MS4A5: variants seen among roughly 807,000 people sequenced by gnomAD.
The protein encoded by MS4A5 is membrane-spanning 4-domains subfamily A member 5.
MS4A5 carries 15 observed loss-of-function variants against 18.2 expected under a neutral mutation model. That is an observed-to-expected ratio of 0.83 (90% CI 0.55 to 1.27). The LOEUF (loss-of-function observed/expected upper bound fraction) is 1.27, where lower values mean the gene tolerates loss of function less well. MS4A5 is among the 50% of genes most tolerant of loss of function. MS4A5 has a pLI of 0.00. For missense variants in MS4A5, 232 were observed against 225.7 expected, an observed-to-expected ratio of 1.03 and a Z score of -0.18; for synonymous variants, 89 against 78.7, an observed-to-expected ratio of 1.13 and a Z score of -0.69.
intron 4 of MS4A5, among the ~76,000 whole-genome samples, chr11:60,439,266 G>T (rs1466814148): frequency 1.7e-5 from 2 of 119,186 alleles, no homozygotes; most frequent in Non-Finnish European, 3.5e-5. Context: ...GTATTGATAG[G>T]ACGTATTTCA....
intron 4 of MS4A5, among the ~76,000 whole-genome samples, chr11:60,438,409 G>T (rs2086092434): frequency 6.6e-6 from 1 of 151,866 alleles, no homozygotes; most frequent in African/African-American, 2.4e-5. Flanking sequence ...CAGAAGCCAA[G>T]AAATAACTAA....
rs147206734 is a variant in MS4A5, at chr11:60,433,816, G to T, written c.391G>T (p.Gly131Ter). The stretch of plus-strand genomic sequence containing the variant: ...TCTTAGTGCCCTGGGAGCAATAGCT[G>T]GAATCATTCTCCTCACATTTGGTTT... ...NFLSALGAIA[G>*]IILLTFGFIL... Residue 131 changes from glycine to a stop codon, truncating the protein, a stop_gained, in exon 4 of 5, where the codon GGA (glycine) becomes TGA (stop). Coordinates refer to ENST00000300190, the MANE Select transcript of MS4A5 (RefSeq NM_023945.3). LOFTEE classifies it high-confidence loss of function. 1.2e-6 allele frequency: 2 copies of T among 1,613,596 alleles called. No homozygotes were observed. The highest frequency in any genetic ancestry group is 2.7e-5 in the African/African-American group (2 of 74,890).
At chr11:60,429,920 T>C (rs2086039398) in intron 1 of MS4A5, 93 bp downstream of exon 1, 2 of 1,181,856 alleles carry the variant, frequency 1.7e-6, no homozygotes, top group South Asian at 3.0e-5. Context: ...TAGGAGCCTA[T>C]TCCAATTCTT....
chr11:60,441,701 T>G (rs2135178428), intron 4 of MS4A5, among the ~76,000 whole-genome samples: 1 of 149,416 alleles, frequency 6.7e-6, no homozygotes, highest in South Asian at 2.1e-4. Context: ...AACTAGAAGA[T>G]TTTCTGTGTA....
At chr11:60,440,636 T>C (rs983780553) in intron 4 of MS4A5, among the ~76,000 whole-genome samples, 3 of 150,254 alleles carry the variant, frequency 2.0e-5, no homozygotes, top group African/African-American at 7.4e-5. Flanking sequence ...AGACACTTCT[T>C]AAAAGAAGAC....
At chr11:60,435,896 G>C (rs1012592858) in intron 4 of MS4A5, among the ~76,000 whole-genome samples, 39 of 152,368 alleles carry the variant, frequency 2.6e-4, no homozygotes, top group African/African-American at 9.1e-4. Context: ...GGTATACAAA[G>C]CAGCTGGGAA....
rs947814787 is a variant in MS4A5, at chr11:60,440,657, C to G, written c.492+6740C>G. 6.0e-5 allele frequency among the ~76,000 whole-genome samples: 9 copies of G among 149,492 alleles called. No individual in the cohort carries two copies. In the Admixed American group the frequency reaches 6.1e-4, roughly 10 times the overall value. ...TTCTTAAAAGAAGACATTTATGCAG[C>G]CAAAAAACACATGAAAAAATGCTCA... On this transcript the variant is annotated intron_variant, in intron 4 of 4. Transcript: ENST00000300190.
intron 3 of MS4A5, 113 bp from the exon 4 acceptor site, chr11:60,433,652 G>A (rs1034577140): frequency 1.0e-5 from 10 of 987,812 alleles, no homozygotes; most frequent in African/African-American, 4.8e-5. Context: ...GAGCTGCCTC[G>A]TGGCATTAAG....
intron 4 of MS4A5, among the ~76,000 whole-genome samples, chr11:60,434,257 T>C (rs1473172214): frequency 6.6e-6 from 1 of 152,216 alleles, no homozygotes; most frequent in Non-Finnish European, 1.5e-5. Context: ...TGGTGTGTTT[T>C]TACAGTTCTT....
intron 2 of MS4A5, among the ~76,000 whole-genome samples, chr11:60,431,946 G>A (rs141864553): frequency 2.2e-4 from 33 of 149,386 alleles, no homozygotes; most frequent in South Asian, 2.1e-3. Flanking sequence ...ATGCTACCAC[G>A]TGTGACCCAC....
intron 4 of MS4A5, among the ~76,000 whole-genome samples, chr11:60,445,265 C>CT (rs201028859): frequency 8.5e-4 from 124 of 145,482 alleles, no homozygotes; most frequent in South Asian, 1.3e-3. Context: ...GACATTTCTT[C>CT]TTTTTTTTTT....
At chr11:60,437,273 C>T (rs1390653332) in intron 4 of MS4A5, among the ~76,000 whole-genome samples, 1 of 150,144 alleles carries the variant, frequency 6.7e-6, no homozygotes, top group Non-Finnish European at 1.5e-5. Flanking sequence ...CTGAAGGAAG[C>T]ACTAAACATG....
At chr11:60,446,625 C>T (rs1049287213) in intron 4 of MS4A5, among the ~76,000 whole-genome samples, 1 of 151,668 alleles carries the variant, frequency 6.6e-6, no homozygotes, top group South Asian at 2.1e-4. Flanking sequence ...CCCAGCTACT[C>T]GGGAGGCTGA....
At chr11:60,446,391 T>C (rs2086138326) in intron 4 of MS4A5, among the ~76,000 whole-genome samples, 1 of 152,146 alleles carries the variant, frequency 6.6e-6, no homozygotes, top group Admixed American at 6.5e-5. Context: ...CTATTTGTGC[T>C]CATAGTTGCC....
At chr11:60,431,836 A>G (rs1431726250) in intron 2 of MS4A5, among the ~76,000 whole-genome samples, 1 of 152,152 alleles carries the variant, frequency 6.6e-6, no homozygotes, top group African/African-American at 2.4e-5. Flanking sequence ...CAGCACAGGG[A>G]GTGAGGATGG....
intron 3 of MS4A5, among the ~76,000 whole-genome samples, chr11:60,433,546 G>C (rs1301386936): frequency 6.6e-6 from 1 of 152,194 alleles, no homozygotes; most frequent in East Asian, 1.9e-4. Context: ...ATAGAATATG[G>C]GGAATGGAAA....
intron 2 of MS4A5, 101 bp from the exon 3 acceptor site, chr11:60,432,310 T>C (rs1036800197): frequency 1.5e-6 from 1 of 664,688 alleles, no homozygotes; most frequent in African/African-American, 1.9e-5. Context: ...TGTGTGAACT[T>C]AGAAGGCGGG....
At chr11:60,437,839 C>G (rs1385511094) in intron 4 of MS4A5, among the ~76,000 whole-genome samples, 2 of 149,956 alleles carry the variant, frequency 1.3e-5, no homozygotes, top group Non-Finnish European at 3.0e-5. Context: ...CTTTAACACC[C>G]CACTGTCAAC....
chr11:60,444,801 A>G (rs1846554525), intron 4 of MS4A5, among the ~76,000 whole-genome samples: 1 of 152,188 alleles, frequency 6.6e-6, no homozygotes, highest in Non-Finnish European at 1.5e-5. Flanking sequence ...GAACTCTCAT[A>G]CCCTTTTGAT....
Sources: gnomAD v4.1 joint callset for allele counts (sites outside exome capture counted in the v4.1 genomes callset) on GRCh38, gnomAD v4.1.1 for gene constraint, MANE v1.5 for transcripts, NCBI Gene and HGNC (gene_info 2026-07-23, HGNC 2026-07-21) for gene names.